The following RABGAP1 variants were observed in gnomAD, a reference collection of about 807,000 sequenced individuals.
The protein encoded by RABGAP1 is RAB GTPase activating protein 1, also known as rab GTPase-activating protein 1.
Under a neutral mutation model 137.6 loss-of-function variants are expected in RABGAP1, and 23 were observed. The ratio of observed to expected loss-of-function variants is 0.17; its 90% CI spans 0.12 to 0.24. The LOEUF (loss-of-function observed/expected upper bound fraction) is 0.24, where lower values mean the gene tolerates loss of function less well. Ranked by LOEUF, RABGAP1 falls within the 10% of genes least tolerant of loss-of-function variation. The probability of loss-of-function intolerance (pLI) is 1.00; values close to 1 mark genes in which losing one functional copy is unlikely to be tolerated. For missense variants in RABGAP1, 906 were observed against 1,275.8 expected, an observed-to-expected ratio of 0.71 and a Z score of 4.42; for synonymous variants, 451 against 450.7, an observed-to-expected ratio of 1.00 and a Z score of -0.01.
intron 21 of RABGAP1, among the ~76,000 whole-genome samples, chr9:123,094,567 C>A (rs2035124752): frequency 6.6e-6 from 1 of 151,990 alleles, no homozygotes; most frequent in Non-Finnish European, 1.5e-5. Context: ...GATTTTAATT[C>A]TTATTAAATA....
At chr9:123,057,148 G>T (rs1370012342) in intron 13 of RABGAP1, among the ~76,000 whole-genome samples, 10 of 149,112 alleles carry the variant, frequency 6.7e-5, no homozygotes, top group South Asian at 4.3e-4. Flanking sequence ...CTGGCCTGGC[G>T]GGGGCTGACC....
intron 19 of RABGAP1, among the ~76,000 whole-genome samples, chr9:123,087,302 T>A (rs1473157668): frequency 6.6e-6 from 1 of 152,186 alleles, no homozygotes; most frequent in Non-Finnish European, 1.5e-5. Flanking sequence ...TTGAAGAAAC[T>A]TGAAGATTTG....
At chr9:122,933,187 C>A in the RABGAP1 span, among the ~76,000 whole-genome samples, 1 of 152,172 alleles carries the variant, frequency 6.6e-6, no homozygotes, top group Non-Finnish European at 1.5e-5. Context: ...TAGTCTCCCA[C>A]TATTATTGTA....
chr9:122,987,640 A>G (rs943985606), intron 4 of RABGAP1, among the ~76,000 whole-genome samples: 27 of 152,304 alleles, frequency 1.8e-4, no homozygotes, highest in African/African-American at 5.5e-4. Flanking sequence ...GGTTATAAAT[A>G]AATAACCCAT....
At chr9:122,987,957 A>C (rs1836452765) in intron 4 of RABGAP1, among the ~76,000 whole-genome samples, 1 of 152,190 alleles carries the variant, frequency 6.6e-6, no homozygotes, top group African/African-American at 2.4e-5. Flanking sequence ...TTGGACTTTC[A>C]TGGTGACAGA....
intron 3 of RABGAP1, among the ~76,000 whole-genome samples, chr9:122,985,978 T>C (rs1234297528): frequency 6.6e-6 from 1 of 152,202 alleles, no homozygotes. Flanking sequence ...AAGCATTTCA[T>C]GTTTCAGATT....
At chr9:122,942,782 T>C (rs188611270) in intron 1 of RABGAP1, among the ~76,000 whole-genome samples, 1 of 152,240 alleles carries the variant, frequency 6.6e-6, no homozygotes, top group East Asian at 1.9e-4. Context: ...TGATTGATTT[T>C]TATGTATTGG....
intron 25 of RABGAP1, 65 bp from the exon 26 acceptor site, chr9:123,103,026 C>A (rs577981691): frequency 1.3e-6 from 2 of 1,573,448 alleles, no homozygotes; most frequent in East Asian, 2.3e-5. Context: ...TCTTGGTTCT[C>A]CTCTGGGGAG....
chr9:122,992,319 A>G (rs868727611), intron 6 of RABGAP1, among the ~76,000 whole-genome samples: 2 of 152,196 alleles, frequency 1.3e-5, no homozygotes, highest in African/African-American at 2.4e-5. Flanking sequence ...GATTATAGGC[A>G]TGATTCACCA....
chr9:123,089,893 T>C, intron 20 of RABGAP1, 43 bp downstream of exon 20: 1 of 1,507,022 alleles, frequency 6.6e-7, no homozygotes, highest in South Asian at 1.1e-5. Flanking sequence ...TCCCATGCTT[T>C]CATTTCATAT....
the RABGAP1 span, among the ~76,000 whole-genome samples, chr9:122,933,847 A>T: frequency 6.6e-6 from 1 of 151,604 alleles, no homozygotes; most frequent in African/African-American, 2.4e-5. Flanking sequence ...CTGGTCTCAA[A>T]CTCCTGACCT....
At chr9:123,024,495 A>G (rs560449175) in intron 13 of RABGAP1, among the ~76,000 whole-genome samples, 4 of 151,020 alleles carry the variant, frequency 2.6e-5, no homozygotes, top group Admixed American at 2.6e-4. Flanking sequence ...GCTGGAGTAC[A>G]GTGGCACGAT....
chr9:123,097,815 G>A lies in RABGAP1; in HGVS notation c.2703G>A (p.Glu901=), dbSNP rs1167432172. 1 of 1,613,818 alleles carries A rather than the reference G, an allele frequency of 6.2e-7. No individual in the cohort carries two copies. The highest frequency in any genetic ancestry group is 1.7e-5 in the Admixed American group (1 of 59,962). Residue 901 remains glutamate, a synonymous_variant, in exon 22 of 26, where the codon GAG becomes GAA. Transcript: ENST00000373647. ...TKQKLIDAEE[E]KRRLEEESAQ... ...AGAAGTTGATTGATGCAGAAGAAGA[G>A]AAAAGACGGCTGGAAGAAGAGTCTG...
chr9:123,006,829 G>A (rs1156774786), intron 10 of RABGAP1, among the ~76,000 whole-genome samples: 3 of 152,044 alleles, frequency 2.0e-5, no homozygotes, highest in East Asian at 3.9e-4. Flanking sequence ...GGGTAGTCTC[G>A]AACTCCTGAC....
intron 13 of RABGAP1, among the ~76,000 whole-genome samples, chr9:123,051,493 C>A (rs1029851879): frequency 6.6e-6 from 1 of 150,776 alleles, no homozygotes; most frequent in Admixed American, 6.6e-5. Flanking sequence ...GTGATCTGCC[C>A]GCCTCGACCT....
At chr9:123,040,361 G>C (rs2032893254) in intron 13 of RABGAP1, among the ~76,000 whole-genome samples, 1 of 152,176 alleles carries the variant, frequency 6.6e-6, no homozygotes, top group East Asian at 1.9e-4. Flanking sequence ...ATATTTATGG[G>C]AAGCCAAACT....
intron 13 of RABGAP1, among the ~76,000 whole-genome samples, chr9:123,040,347 G>A (rs1345193097): frequency 5.3e-5 from 8 of 152,158 alleles, no homozygotes; most frequent in African/African-American, 2.4e-5. Context: ...TTCTCTATTA[G>A]CAGATATTTA....
chr9:123,070,467 C>A lies in RABGAP1; in HGVS notation c.1983+43C>A. The A allele has an allele frequency of 6.2e-7, 1 of 1,613,408 alleles. No homozygotes were observed. Among genetic ancestry groups the A allele is most frequent in the South Asian group, 1.1e-5 (1 of 90,982 alleles). Reference sequence around the variant, plus strand: ...TGTTATGACTTAACACATGGCCTCCCTCAGCTTATACTAACCTTAGGCTTG... The same window carrying A: ...TGTTATGACTTAACACATGGCCTCCATCAGCTTATACTAACCTTAGGCTTG... On this transcript the variant is annotated intron_variant, in intron 15 of 25. Coordinates refer to ENST00000373647, the MANE Select transcript of RABGAP1 (RefSeq NM_012197.4). The surrounding 1 kb of genome is among the most constrained non-coding windows in gnomAD (Gnocchi z 4.4).
intron 13 of RABGAP1, among the ~76,000 whole-genome samples, chr9:123,039,958 C>T (rs1455536953): frequency 2.6e-5 from 4 of 152,118 alleles, no homozygotes; most frequent in Non-Finnish European, 5.9e-5. Context: ...TTCCTTGATA[C>T]TGCCATAGGG....
Sources: allele counts gnomAD v4.1 joint callset (sites outside exome capture counted in the v4.1 genomes callset), GRCh38; gene constraint gnomAD v4.1.1; non-coding constraint Gnocchi (gnomAD v3.1); transcripts MANE v1.5; gene names NCBI Gene and HGNC (gene_info 2026-07-23, HGNC 2026-07-21).